ENPP1: variants seen among roughly 807,000 people sequenced by gnomAD.
ENPP1 encodes the protein ectonucleotide pyrophosphatase/phosphodiesterase 1.
A neutral mutation model predicts 122.8 loss-of-function variants in ENPP1; 73 were observed. The ratio of observed to expected loss-of-function variants is 0.59; its 90% CI spans 0.49 to 0.72. ENPP1 has a LOEUF of 0.72. ENPP1 is among the 30% of genes least tolerant of loss of function. The probability of loss-of-function intolerance (pLI) is 0.00; values close to 1 mark genes in which losing one functional copy is unlikely to be tolerated. For synonymous variants in ENPP1, 367 were observed against 391.6 expected, an observed-to-expected ratio of 0.94 and a Z score of 0.74; for missense variants, 978 against 1,128.1, an observed-to-expected ratio of 0.87 and a Z score of 1.91.
intron 1 of ENPP1, among the ~76,000 whole-genome samples, chr6:131,816,937 A>G (rs1371223799): frequency 1.3e-5 from 2 of 152,214 alleles, no homozygotes; most frequent in Non-Finnish European, 2.9e-5. Flanking sequence ...CCATGCAGAC[A>G]TTATTGTGCA....
chr6:131,868,730 G>A (rs1782120755), intron 12 of ENPP1, among the ~76,000 whole-genome samples: 1 of 152,170 alleles, frequency 6.6e-6, no homozygotes, highest in Non-Finnish European at 1.5e-5. Flanking sequence ...ATTAGCCATC[G>A]TGCCCAGCCT....
intron 1 of ENPP1, among the ~76,000 whole-genome samples, chr6:131,830,503 G>T (rs1475692082): frequency 1.3e-5 from 2 of 152,120 alleles, no homozygotes; most frequent in Non-Finnish European, 2.9e-5. Context: ...CCCATCACAG[G>T]CAGGGAAAGG....
In ENPP1 at chr6:131,882,336, G is replaced by A. The variant is rs781350347; in HGVS notation, c.2101-9G>A. The A allele has an allele frequency of 8.7e-5, 139 of 1,591,950 alleles. No homozygotes were observed. In the East Asian group the frequency reaches 2.9e-3, roughly 33 times the overall value. On this transcript the variant is annotated splice_polypyrimidine_tract_variant and intron_variant, in intron 20 of 24. Transcript: ENST00000647893. ...ATATCTGAGAGTTCTTCTCATTTTCGTTCTTCAGGACAGTTTCTCTACGGA... is the reference window on the plus strand; with the variant it reads ...ATATCTGAGAGTTCTTCTCATTTTCATTCTTCAGGACAGTTTCTCTACGGA...
chr6:131,865,047 A>G, intron 11 of ENPP1, 109 bp downstream of exon 11: 1 of 772,290 alleles, frequency 1.3e-6, no homozygotes, highest in Non-Finnish European at 2.4e-6. Flanking sequence ...ATTTCTGGAA[A>G]AAGCAAGTAT....
rs1782521469 is a variant in ENPP1 at position 131,894,522 on chromosome 6, C to T, written c.*4011C>T. 1 of 149,454 alleles carries T rather than the reference C, an allele frequency of 6.7e-6. No homozygotes were observed. The highest frequency in any genetic ancestry group is 1.5e-5 in the Non-Finnish European group (1 of 67,348). 9.3% of individuals were successfully genotyped at this position (149,454 alleles called of 1,614,324 possible). ...TTGATCTCCTGAGCTCAGACAATCC[C>T]CCCGCCTTGGCCTCCCAAAGTGCTA... is the stretch of plus-strand genomic sequence containing the variant. On this transcript the variant is annotated 3_prime_UTR_variant, in exon 25 of 25. Coordinates refer to ENST00000647893, the MANE Select transcript of ENPP1 (RefSeq NM_006208.3).
intron 3 of ENPP1, among the ~76,000 whole-genome samples, chr6:131,850,596 A>C (rs576020786): frequency 6.6e-6 from 1 of 152,130 alleles, no homozygotes; most frequent in Admixed American, 6.6e-5. Flanking sequence ...AAAGACAGGG[A>C]CTTGTTCTGT....
chr6:131,830,370 A>C (rs1040295236), intron 1 of ENPP1, among the ~76,000 whole-genome samples: 1 of 152,146 alleles, frequency 6.6e-6, no homozygotes, highest in Non-Finnish European at 1.5e-5. Context: ...AGGAAGGAGG[A>C]GAGACTTTGG....
At chr6:131,845,358 T>C (rs72983672) in intron 1 of ENPP1, among the ~76,000 whole-genome samples, 7,798 of 151,874 alleles carry the variant, frequency 0.051, 244 homozygotes, top group Middle Eastern at 0.095. Context: ...ATGTTTTAAA[T>C]TATAATACAC....
intron 1 of ENPP1, among the ~76,000 whole-genome samples, chr6:131,845,183 C>A (rs775937619): frequency 3.5e-4 from 53 of 149,768 alleles, no homozygotes; most frequent in Admixed American, 1.6e-3. Context: ...CAGGAGCCTA[C>A]CACTGCACCT....
chr6:131,826,416 C>T, intron 1 of ENPP1: 1 of 928,372 alleles, frequency 1.1e-6, no homozygotes, highest in South Asian at 1.4e-5. Context: ...AAAAGAGCTG[C>T]TCTAGGTTAG....
At chr6:131,838,805 C>T (rs1781706925) in intron 1 of ENPP1, among the ~76,000 whole-genome samples, 1 of 151,940 alleles carries the variant, frequency 6.6e-6, no homozygotes, top group Non-Finnish European at 1.5e-5. Context: ...ATGCTGCAGG[C>T]ATTGAAAGTA....
rs1002852794 is a variant in ENPP1, at chr6:131,891,533, C to A, written c.*1022C>A. ...TGACACAATGAACTTGATTTCTTTACTACCTTGACTGTAGCTTTTTATCCC... is the reference window on the plus strand; with the variant it reads ...TGACACAATGAACTTGATTTCTTTAATACCTTGACTGTAGCTTTTTATCCC... On this transcript the variant is annotated 3_prime_UTR_variant, in exon 25 of 25. Coordinates refer to ENST00000647893, the MANE Select transcript of ENPP1 (RefSeq NM_006208.3). The A allele has an allele frequency of 6.6e-6, 1 of 152,172 alleles. No homozygotes were observed. The highest frequency in any genetic ancestry group is 2.4e-5 in the African/African-American group (1 of 41,438). The allele number at this position is 152,172 out of a possible 1,614,324, so 9.4% of individuals were successfully genotyped here. A position where few individuals can be genotyped will look rare whatever the true frequency, so the allele number is the denominator to read the frequency against.
intron 14 of ENPP1, 35 bp from the exon 15 acceptor site, chr6:131,872,888 A>C (rs372746303): frequency 6.2e-7 from 1 of 1,610,194 alleles, no homozygotes; most frequent in Non-Finnish European, 8.5e-7. Flanking sequence ...GATATTAGGG[A>C]AATAATAGTT....
chr6:131,887,559 A>ATT lies in ENPP1; in HGVS notation c.2607+851_2607+852dup, dbSNP rs71030768. On this transcript the variant is annotated intron_variant, in intron 24 of 24. Coordinates refer to ENST00000647893, the MANE Select transcript of ENPP1 (RefSeq NM_006208.3). ...AGGCGCCCGCCACCACACCCAGCTA[A>ATT]TTTTTTTTTTTTTTTTTGAGACAGA... 9.3e-4 allele frequency among the ~76,000 whole-genome samples: 80 copies of ATT among 86,322 alleles called. 5 individuals carry two copies. The East Asian group carries it at 0.02, about 22-fold the overall frequency. The allele number at this position is 86,322 out of a possible 152,430, so 56.6% of individuals were successfully genotyped here. A position where few individuals can be genotyped will look rare whatever the true frequency, so the allele number is the denominator to read the frequency against.
At chr6:131,874,218 A>AT (rs1220775928) in intron 15 of ENPP1, 50 bp from the exon 16 acceptor site, 2 of 1,019,678 alleles carry the variant, frequency 2.0e-6, no homozygotes, top group Non-Finnish European at 1.6e-6. Flanking sequence ...ATTATCAATT[A>AT]TGTTTTATGA....
chr6:131,874,648 A>G (rs1782204721), intron 16 of ENPP1, among the ~76,000 whole-genome samples: 1 of 152,146 alleles, frequency 6.6e-6, no homozygotes, highest in South Asian at 2.1e-4. Flanking sequence ...TCAAAGAAAT[A>G]AAAATGAAAC....
At chr6:131,851,079 G>C in intron 3 of ENPP1, 63 bp from the exon 4 acceptor site, 2 of 1,578,704 alleles carry the variant, frequency 1.3e-6, no homozygotes, top group Non-Finnish European at 1.7e-6. Context: ...CAGCAATTCT[G>C]TGTTCACTTT....
intron 1 of ENPP1, chr6:131,827,299 G>A: frequency 7.4e-7 from 1 of 1,347,618 alleles, no homozygotes; most frequent in Non-Finnish European, 1.1e-6. Flanking sequence ...GGATCATACT[G>A]ATTAGCCAGA....
At chr6:131,887,659 C>T (rs545093514) in intron 24 of ENPP1, among the ~76,000 whole-genome samples, 10 of 145,894 alleles carry the variant, frequency 6.9e-5, no homozygotes, top group South Asian at 2.2e-4. Context: ...TCTGGGCTCA[C>T]GCCATTCTCC....
Sources: gnomAD v4.1 joint callset for allele counts (sites outside exome capture counted in the v4.1 genomes callset) on GRCh38, gnomAD v4.1.1 for gene constraint, MANE v1.5 for transcripts, NCBI Gene and HGNC (gene_info 2026-07-23, HGNC 2026-07-21) for gene names.